CUEDC2: variants seen among roughly 807,000 people sequenced by gnomAD.
CUEDC2 encodes CUE domain-containing protein 2.
A neutral mutation model predicts 36.0 loss-of-function variants in CUEDC2; 10 were observed. The observed-to-expected ratio is 0.28, with a 90% CI of 0.17 to 0.47. The LOEUF is 0.47. CUEDC2 is among the 20% of genes least tolerant of loss of function. The probability of loss-of-function intolerance (pLI) is 0.99; values close to 1 mark genes in which losing one functional copy is unlikely to be tolerated. For synonymous variants in CUEDC2, 133 were observed against 141.8 expected, an observed-to-expected ratio of 0.94 and a Z score of 0.44; for missense variants, 269 against 368.1, an observed-to-expected ratio of 0.73 and a Z score of 2.20.
chr10:102,431,856 G>A (rs80160917), intron 1 of CUEDC2, among the ~76,000 whole-genome samples: 2,016 of 152,238 alleles, frequency 0.013, 42 homozygotes, highest in African/African-American at 0.046. Context: ...GAGACACTGT[G>A]GACAAATTTA....
At chr10:102,425,268 G>A in intron 1 of CUEDC2, 70 bp from the exon 2 acceptor site, 1 of 1,124,046 alleles carries the variant, frequency 8.9e-7, no homozygotes, top group South Asian at 1.2e-5. Context: ...TGGGGGCAGT[G>A]GCTCCTCCCT....
At position 102,423,941 on chromosome 10, in the gene CUEDC2, C is replaced by T; in HGVS notation, c.594+55G>A. 1 of 1,603,758 alleles carries T rather than the reference C, an allele frequency of 6.2e-7. No homozygotes were observed. The highest frequency in any genetic ancestry group is 8.5e-7 in the Non-Finnish European group (1 of 1,174,842). ...GGGATAGGTAGGGGTTGGGGCTTAA[C>T]ACCAAGGTGGAATGTAGCTGAGGCT... On this transcript the variant is annotated intron_variant, in intron 6 of 8. Transcript: ENST00000369937. This position sits in a 1 kb window ranked among gnomAD's most constrained non-coding sequence, Gnocchi z 5.6.
Position 102,423,523 on chromosome 10 carries a change from T to C in CUEDC2, c.767A>G (p.Lys256Arg). 1 of 1,614,204 alleles carries C rather than the reference T, an allele frequency of 6.2e-7. No individual in the cohort carries two copies. The highest frequency in any genetic ancestry group is 1.1e-5 in the South Asian group (1 of 91,078). The change falls in exon 9 of 9, where the codon AAA becomes AGA. Residue 256 changes from lysine to arginine, a missense_variant. Transcript: ENST00000369937. The surrounding 1 kb of genome is among the most constrained non-coding windows in gnomAD (Gnocchi z 5.6). Reference sequence around the variant, plus strand: ...CCGCACATCTTTGAATCGCTCCCCTTTGGTGCTCACTACCTGGTTGTCGAT... The same window carrying C: ...CCGCACATCTTTGAATCGCTCCCCTCTGGTGCTCACTACCTGGTTGTCGAT... ...RYIDNQVVST[K>R]GERFKDVRNP...
chr10:102,427,743 A>T (rs897616638), intron 1 of CUEDC2, among the ~76,000 whole-genome samples: 1 of 151,908 alleles, frequency 6.6e-6, no homozygotes, highest in African/African-American at 2.4e-5. Context: ...CAGCTGTGTG[A>T]TCTTTACAAA....
intron 1 of CUEDC2, among the ~76,000 whole-genome samples, chr10:102,426,912 C>T (rs867234739): frequency 7.9e-5 from 12 of 152,050 alleles, no homozygotes; most frequent in South Asian, 2.1e-4. Context: ...GTTCGCCCAC[C>T]TCAGCCTCCC....
In CUEDC2 at chr10:102,423,333, C is replaced by T. The variant is rs2061582360; in HGVS notation, c.*93G>A. On this transcript the variant is annotated 3_prime_UTR_variant, in exon 9 of 9. Transcript: ENST00000369937. This position sits in a 1 kb window ranked among gnomAD's most constrained non-coding sequence, Gnocchi z 5.6. ...GGAGCAAAGGAGTAGAGAAGGGGGA[C>T]AGGAGTTAGGGGGCCCCTGTGTAGG... is the stretch of plus-strand genomic sequence containing the variant. The T allele has an allele frequency of 1.4e-6, 2 of 1,458,084 alleles. No individual in the cohort carries two copies. Among genetic ancestry groups the T allele is most frequent in the Admixed American group, 3.5e-5 (2 of 57,152 alleles). 90.3% of individuals were successfully genotyped at this position (1,458,084 alleles called of 1,614,324 possible). A position where few individuals can be genotyped will look rare whatever the true frequency, so the allele number is the denominator to read the frequency against.
intron 1 of CUEDC2, among the ~76,000 whole-genome samples, chr10:102,429,001 G>A (rs1045059700): frequency 1.4e-5 from 2 of 145,526 alleles, no homozygotes; most frequent in African/African-American, 5.1e-5. Context: ...CAGCCTGGAC[G>A]ACAGAGTGAG....
chr10:102,423,343 G>C lies in CUEDC2; in HGVS notation c.*83C>G. On this transcript the variant is annotated 3_prime_UTR_variant, in exon 9 of 9. Coordinates refer to ENST00000369937, the MANE Select transcript of CUEDC2 (RefSeq NM_024040.3). The surrounding 1 kb of genome is among the most constrained non-coding windows in gnomAD (Gnocchi z 5.6). The stretch of plus-strand genomic sequence containing the variant: ...AGTAGAGAAGGGGGACAGGAGTTAG[G>C]GGGCCCCTGTGTAGGGGTATAGGGC... 1 of 1,530,584 alleles carries C rather than the reference G, an allele frequency of 6.5e-7. No homozygotes were observed. The highest frequency in any genetic ancestry group is 1.4e-5 in the African/African-American group (1 of 73,132). 94.8% of individuals were successfully genotyped at this position (1,530,584 alleles called of 1,614,324 possible). A position where few individuals can be genotyped will look rare whatever the true frequency, so the allele number is the denominator to read the frequency against.
intron 1 of CUEDC2, 54 bp from the exon 2 acceptor site, chr10:102,425,252 T>A: frequency 7.3e-7 from 1 of 1,365,146 alleles, no homozygotes; most frequent in Non-Finnish European, 1.0e-6. Flanking sequence ...CCCCACCCAC[T>A]GGGCCTGGGG....
chr10:102,426,482 T>C (rs779646416), intron 1 of CUEDC2, among the ~76,000 whole-genome samples: 56 of 152,170 alleles, frequency 3.7e-4, no homozygotes, highest in Non-Finnish European at 3.2e-4. Flanking sequence ...AGCTGAAACC[T>C]GGGGATTACC....
chr10:102,423,397 G>C lies in CUEDC2; in HGVS notation c.*29C>G. ...TGCATCCCTCTGGGATCTGAGCCTA[G>C]AAGGCTCGGGCAGAGTCCGGCGAGT... On this transcript the variant is annotated 3_prime_UTR_variant, in exon 9 of 9. Transcript: ENST00000369937. The surrounding 1 kb of genome is among the most constrained non-coding windows in gnomAD (Gnocchi z 5.6). The C allele has an allele frequency of 6.2e-7, 1 of 1,614,006 alleles. No homozygotes were observed. Among genetic ancestry groups the C allele is most frequent in the East Asian group, 2.2e-5 (1 of 44,890 alleles).
intron 1 of CUEDC2, among the ~76,000 whole-genome samples, chr10:102,428,893 G>A (rs182370017): frequency 3.8e-4 from 58 of 151,938 alleles, no homozygotes; most frequent in Non-Finnish European, 6.0e-4. Context: ...GTGGTGGCAC[G>A]CGCCTGTAGT....
intron 1 of CUEDC2, among the ~76,000 whole-genome samples, chr10:102,431,149 T>C (rs1437722090): frequency 6.6e-6 from 1 of 152,276 alleles, no homozygotes; most frequent in Non-Finnish European, 1.5e-5. Flanking sequence ...TATTTATTTA[T>C]GTATTTTTGA....
Position 102,423,380 on chromosome 10 carries a change from T to G in CUEDC2, c.*46A>C, listed in dbSNP as rs1322667678. ...TAGGGGTATAGGGCTCCTGCATCCC[T>G]CTGGGATCTGAGCCTAGAAGGCTCG... On this transcript the variant is annotated 3_prime_UTR_variant, in exon 9 of 9. Coordinates refer to ENST00000369937, the MANE Select transcript of CUEDC2 (RefSeq NM_024040.3). This position sits in a 1 kb window ranked among gnomAD's most constrained non-coding sequence, Gnocchi z 5.6. 3.1e-6 allele frequency: 5 copies of G among 1,612,872 alleles called. No individual in the cohort carries two copies. Among genetic ancestry groups the G allele is most frequent in the Non-Finnish European group, 4.2e-6 (5 of 1,179,228 alleles).
At chr10:102,426,280 C>T (rs1407641093) in intron 1 of CUEDC2, among the ~76,000 whole-genome samples, 1 of 152,140 alleles carries the variant, frequency 6.6e-6, no homozygotes, top group East Asian at 1.9e-4. Flanking sequence ...GTTTGGGAGT[C>T]AGGAGCATAT....
chr10:102,427,506 A>G (rs1272565290), intron 1 of CUEDC2, among the ~76,000 whole-genome samples: 1 of 152,192 alleles, frequency 6.6e-6, no homozygotes, highest in Non-Finnish European at 1.5e-5. Flanking sequence ...CAGTAAATGC[A>G]TGTCCAGGCA....
intron 1 of CUEDC2, among the ~76,000 whole-genome samples, chr10:102,429,297 G>C (rs1002025059): frequency 6.6e-6 from 1 of 152,032 alleles, no homozygotes. Flanking sequence ...CATGAAGTGG[G>C]CACTCAATAA....
At position 102,431,424 on chromosome 10, in the gene CUEDC2, A is replaced by G. The variant is rs2061616385; in HGVS notation, c.-11+1102T>C. On this transcript the variant is annotated intron_variant, in intron 1 of 8. Transcript: ENST00000369937. ...CTCCCAAAGTGCTGGGATTACAGGC[A>G]TGAACCACCGCGCCCGGCCGTATTA... 2.6e-5 allele frequency among the ~76,000 whole-genome samples: 4 copies of G among 152,176 alleles called. No individual in the cohort carries two copies. The South Asian group carries it at 8.3e-4, about 32-fold the overall frequency.
chr10:102,425,521 C>T (rs1348894495), intron 1 of CUEDC2, among the ~76,000 whole-genome samples: 1 of 147,792 alleles, frequency 6.8e-6, no homozygotes, highest in East Asian at 2.0e-4. Flanking sequence ...GGTCACATGC[C>T]TCCTGGCTCA....
Sources: gnomAD v4.1 joint callset for allele counts (sites outside exome capture counted in the v4.1 genomes callset) on GRCh38, gnomAD v4.1.1 for gene constraint, Gnocchi (gnomAD v3.1) non-coding constraint, MANE v1.5 for transcripts, NCBI Gene and HGNC (gene_info 2026-07-23, HGNC 2026-07-21) for gene names.